LCA5: variants seen among roughly 807,000 people sequenced by gnomAD.
The protein encoded by LCA5 is lebercilin LCA5, also known as lebercilin.
Under a neutral mutation model 53.0 loss-of-function variants are expected in LCA5, and 37 were observed. That is an observed-to-expected ratio of 0.70 (90% CI 0.54 to 0.92). The LOEUF is 0.92. LCA5 is among the 40% of genes least tolerant of loss of function. The pLI is 0.00. For synonymous variants in LCA5, 303 were observed against 282.9 expected (o/e 1.07, Z -0.71); for missense variants, 806 against 790.5 (o/e 1.02, Z -0.23).
At chr6:79,498,533 G>T (rs1770045163) in intron 3 of LCA5, among the ~76,000 whole-genome samples, 1 of 152,082 alleles carries the variant, frequency 6.6e-6, no homozygotes, top group South Asian at 2.1e-4. Context: ...AATTATCATT[G>T]AAGAGTGAAG....
intron 3 of LCA5, among the ~76,000 whole-genome samples, chr6:79,505,234 A>G (rs1341801802): frequency 6.6e-6 from 1 of 152,152 alleles, no homozygotes; most frequent in Non-Finnish European, 1.5e-5. Context: ...AACTGTTTTA[A>G]GCTTTACACT....
rs1458556094 is a variant in LCA5 at position 79,487,770 on chromosome 6, A to C, written c.1328T>G (p.Leu443Arg). The C allele has an allele frequency of 6.2e-7, 1 of 1,613,450 alleles. No homozygotes were observed. Among genetic ancestry groups the C allele is most frequent in the East Asian group, 2.2e-5 (1 of 44,862 alleles). ...CATATTCTGAATTGGATACATTCCT[A>C]GTTGGTACCTTCCAGTTTCCCACTC... is the stretch of plus-strand genomic sequence containing the variant. ...KPEWETGRYQLGMYPIQNMDK... is the reference protein window; with the variant it reads ...KPEWETGRYQRGMYPIQNMDK... Residue 443 changes from leucine (L) to arginine (R), a missense_variant, in exon 8 of 8, where the codon CTA (leucine) becomes CGA (arginine). Physicochemically the swap from Leu to Arg is moderately radical, Grantham distance 102. Transcript: ENST00000369846.
chr6:79,487,477 T>A lies in LCA5; in HGVS notation c.1621A>T (p.Asn541Tyr). ...TTAGGGGAGGCTGGACTTCTAACAT[T>A]TCCTGAATTCTGACCTTCTCCTTTT... ...TPKGEGQNSGNVRSPASPNEF... is the reference protein window; with the variant it reads ...TPKGEGQNSGYVRSPASPNEF... Residue 541 changes from asparagine to tyrosine, a missense_variant, in exon 8 of 8, where the codon AAT (asparagine) becomes TAT (tyrosine). Physicochemically the swap from Asn to Tyr is moderately radical, Grantham distance 143. Transcript: ENST00000369846. 1 of 1,614,016 alleles carries A rather than the reference T, an allele frequency of 6.2e-7. No individual in the cohort carries two copies.
chr6:79,538,043 T>G (rs1313841184), upstream of LCA5, among the ~76,000 whole-genome samples: 1 of 127,984 alleles, frequency 7.8e-6, no homozygotes, highest in East Asian at 2.0e-4. Context: ...TTTTTTTTTT[T>G]TTTTTTTTTT....
intron 2 of LCA5, among the ~76,000 whole-genome samples, chr6:79,516,187 T>C (rs1200112023): frequency 2.0e-5 from 3 of 151,936 alleles, no homozygotes; most frequent in African/African-American, 7.2e-5. Context: ...ATTTGTGACC[T>C]GCATTATATT....
chr6:79,513,822 C>T (rs543702397), intron 2 of LCA5, 81 bp from the exon 3 acceptor site: 287 of 1,269,844 alleles, frequency 2.3e-4, no homozygotes, highest in African/African-American at 1.8e-3. Flanking sequence ...CAAGTGGGTC[C>T]GTAACATTCT....
rs1159631804 is a variant in LCA5, at chr6:79,519,477, GAATA to G, written c.-191-396_-191-393del. Among the ~76,000 whole-genome samples, 6 of 151,928 alleles carry G rather than the reference GAATA, an allele frequency of 3.9e-5. No individual in the cohort carries two copies. In the East Asian group the frequency reaches 1.2e-3, roughly 29 times the overall value. On this transcript the variant is annotated intron_variant, in intron 1 of 7. Transcript: ENST00000369846. Reference sequence around the variant, plus strand: ...TAGTAAAGAACAAACCTGCTAATAAGAATAAATACACTTTGGGAGGCCGAGGCGG... The same window carrying G: ...TAGTAAAGAACAAACCTGCTAATAAGAATACACTTTGGGAGGCCGAGGCGG...
intron 3 of LCA5, among the ~76,000 whole-genome samples, chr6:79,494,370 CA>C (rs1410474740): frequency 6.6e-6 from 1 of 152,126 alleles, no homozygotes. Context: ...TAGCCATTTC[CA>C]TCCATGGTCT....
chr6:79,535,029 T>C (rs1440893336), intron 1 of LCA5, among the ~76,000 whole-genome samples: 5 of 152,178 alleles, frequency 3.3e-5, no homozygotes, highest in South Asian at 2.1e-4. Context: ...CTTTCTTACA[T>C]TGACATATGC....
Position 79,487,705 on chromosome 6 carries a change from C to T in LCA5, c.1393G>A (p.Glu465Lys). ...QGEEEERLKR[E>K]MLLAKLNEID... The stretch of plus-strand genomic sequence containing the variant: ...TCATTCAGTTTAGCAAGTAGCATTT[C>T]TCTCTTCAGTCTTTCTTCTTCCTCT... The change falls in exon 8 of 8, where the codon GAA (glutamate) becomes AAA (lysine). Residue 465 changes from glutamate to lysine, a missense_variant. By Grantham distance (56) the Glu-to-Lys change is moderately conservative (BLOSUM62 1). Transcript: ENST00000369846. 1.2e-6 allele frequency: 2 copies of T among 1,613,864 alleles called. No homozygotes were observed. The highest frequency in any genetic ancestry group is 1.7e-6 in the Non-Finnish European group (2 of 1,179,832).
intron 3 of LCA5, among the ~76,000 whole-genome samples, chr6:79,508,353 G>A (rs1298822406): frequency 6.6e-6 from 1 of 152,102 alleles, no homozygotes; most frequent in Non-Finnish European, 1.5e-5. Flanking sequence ...AAGATTCTGT[G>A]CATTCTGTCA....
intron 7 of LCA5, chr6:79,488,170 T>C (rs780160411): frequency 1.5e-4 from 44 of 285,330 alleles, no homozygotes; most frequent in Non-Finnish European, 2.2e-4. Flanking sequence ...GATGGATGGA[T>C]GGATAGATGG....
chr6:79,535,170 A>G (rs1767074283), intron 1 of LCA5, among the ~76,000 whole-genome samples: 1 of 152,200 alleles, frequency 6.6e-6, no homozygotes, highest in South Asian at 2.1e-4. Flanking sequence ...GTTTAAAAGG[A>G]TGGCACTGGC....
At chr6:79,513,058 AAATAT>A in intron 3 of LCA5, 149 bp downstream of exon 3, 1 of 719,428 alleles carries the variant, frequency 1.4e-6, no homozygotes, top group Non-Finnish European at 2.4e-6. Context: ...TCTTCCTCTT[AAATAT>A]AAAATCCAAA....
intron 3 of LCA5, among the ~76,000 whole-genome samples, chr6:79,494,162 C>T (rs746148311): frequency 8.6e-5 from 13 of 151,520 alleles, no homozygotes; most frequent in Non-Finnish European, 1.5e-4. Flanking sequence ...GAGGGTGAGG[C>T]GGGAAGATCA....
At chr6:79,500,262 A>G (rs911085015) in intron 3 of LCA5, among the ~76,000 whole-genome samples, 9 of 152,202 alleles carry the variant, frequency 5.9e-5, no homozygotes, top group Admixed American at 2.0e-4. Flanking sequence ...ACACGTTAAT[A>G]ATACAATAAA....
At chr6:79,524,847 T>C (rs776468810) in intron 1 of LCA5, among the ~76,000 whole-genome samples, 6 of 152,164 alleles carry the variant, frequency 3.9e-5, no homozygotes, top group Non-Finnish European at 8.8e-5. Context: ...AATCTGGAAA[T>C]CTGTATCTTT....
At chr6:79,528,258 T>C (rs1766850201) in intron 1 of LCA5, among the ~76,000 whole-genome samples, 1 of 152,146 alleles carries the variant, frequency 6.6e-6, no homozygotes, top group Non-Finnish European at 1.5e-5. Flanking sequence ...TCGTTCTCTA[T>C]AGGGAATATA....
At chr6:79,536,921 G>C (rs1767153048) in intron 1 of LCA5, among the ~76,000 whole-genome samples, 1 of 151,852 alleles carries the variant, frequency 6.6e-6, no homozygotes, top group South Asian at 2.1e-4. Context: ...CCCCAGTGCC[G>C]GTCAACCTCC....
Sources: gnomAD v4.1 joint callset for allele counts (sites outside exome capture counted in the v4.1 genomes callset) on GRCh38, gnomAD v4.1.1 for gene constraint, MANE v1.5 for transcripts, NCBI Gene and HGNC (gene_info 2026-07-23, HGNC 2026-07-21) for gene names.